The following NSUN6 variants were observed in gnomAD, a reference collection of about 807,000 sequenced individuals.
The protein encoded by NSUN6 is tRNA (cytosine(72)-C(5))-methyltransferase NSUN6.
Under a neutral mutation model 58.0 loss-of-function variants are expected in NSUN6, and 64 were observed. The ratio of observed to expected loss-of-function variants is 1.10; its 90% CI spans 0.90 to 1.36. The LOEUF is 1.36. Ranked by LOEUF, NSUN6 falls within the 40% of genes most tolerant of loss-of-function variation. The pLI is 0.00. For synonymous variants in NSUN6, 231 were observed against 193.9 expected (o/e 1.19, Z -1.59); for missense variants, 701 against 550.1 (o/e 1.27, Z -2.74).
chr10:18,616,789 C>G (rs2058425427), intron 3 of NSUN6, among the ~76,000 whole-genome samples: 1 of 152,080 alleles, frequency 6.6e-6, no homozygotes. Flanking sequence ...ATTTCTTAGA[C>G]CACTAAAATC....
At position 18,634,599 on chromosome 10, in the gene NSUN6, A is replaced by G. The variant is rs1374541720; in HGVS notation, c.311+7877T>C. Among the ~76,000 whole-genome samples the G allele has an allele frequency of 3.4e-5, 3 of 88,146 alleles. No homozygotes were observed. The Admixed American group carries it at 4.2e-4, about 12-fold the overall frequency. 57.8% of individuals were successfully genotyped at this position (88,146 alleles called of 152,430 possible). On this transcript the variant is annotated intron_variant, in intron 3 of 10. Coordinates refer to ENST00000377304, the MANE Select transcript of NSUN6 (RefSeq NM_182543.5). ...ACCACATCTCTACTAAAAAAAATACAAAAAAAAAAAAAATTAGCTGGTCTT... is the reference window on the plus strand; with the variant it reads ...ACCACATCTCTACTAAAAAAAATACGAAAAAAAAAAAAATTAGCTGGTCTT...
intron 2 of NSUN6, among the ~76,000 whole-genome samples, chr10:18,646,583 G>A (rs984130206): frequency 1.3e-5 from 2 of 152,262 alleles, no homozygotes; most frequent in South Asian, 2.1e-4. Context: ...AAGGCCTCAC[G>A]CCTGTAATCC....
At chr10:18,622,283 G>C (rs930673954) in intron 3 of NSUN6, among the ~76,000 whole-genome samples, 1 of 152,188 alleles carries the variant, frequency 6.6e-6, no homozygotes, top group Non-Finnish European at 1.5e-5. Flanking sequence ...AATACAATGA[G>C]AAGTCAGCTA....
chr10:18,554,153 G>A (rs1004806431), intron 8 of NSUN6, among the ~76,000 whole-genome samples: 4 of 150,522 alleles, frequency 2.7e-5, no homozygotes, highest in East Asian at 2.0e-4. Flanking sequence ...TTGGATAAAC[G>A]AATGCGGAAT....
rs149212253 is a variant in NSUN6 at position 18,648,635 on chromosome 10, G to A, written c.86C>T (p.Ala29Val). ...CCTTTCTGCTTCTTGTTTACCTAAA[G>A]CAGTCACAATCTAAAAAGAAGTTCA... is the stretch of plus-strand genomic sequence containing the variant. The part of the protein sequence containing the change: ...EGFMNKEIVT[A>V]LGKQEAERKF... Residue 29 changes from alanine (A) to valine (V), a missense_variant, in exon 2 of 11, where the codon GCT (alanine) becomes GTT (valine). By Grantham distance (64) the Ala-to-Val change is moderately conservative. Coordinates refer to ENST00000377304, the MANE Select transcript of NSUN6 (RefSeq NM_182543.5). The A allele has an allele frequency of 6.3e-4, 987 of 1,569,528 alleles. 4 individuals carry two copies. In the African/African-American group the frequency reaches 0.011, roughly 18 times the overall value.
At chr10:18,566,134 C>T (rs1472855368) in intron 8 of NSUN6, among the ~76,000 whole-genome samples, 43 of 138,926 alleles carry the variant, frequency 3.1e-4, no homozygotes, top group Non-Finnish European at 5.7e-4. Context: ...CATTCCATTC[C>T]ACATTCCATT....
chr10:18,595,487 T>A (rs1054661109), intron 7 of NSUN6, among the ~76,000 whole-genome samples: 9 of 152,220 alleles, frequency 5.9e-5, no homozygotes, highest in African/African-American at 2.2e-4. Flanking sequence ...GCATTAAACA[T>A]CACAACGCCA....
intron 8 of NSUN6, among the ~76,000 whole-genome samples, chr10:18,571,707 CATTCCATTCTCT>C (rs1041742172): frequency 2.6e-5 from 4 of 151,382 alleles, no homozygotes; most frequent in African/African-American, 9.7e-5. Flanking sequence ...TTCTCCATTC[CATTCCATTCTCT>C]ATTCCATTCC....
upstream of NSUN6, among the ~76,000 whole-genome samples, chr10:18,655,980 A>G (rs769182241): frequency 6.0e-4 from 92 of 152,302 alleles, no homozygotes; most frequent in Non-Finnish European, 5.1e-4. Context: ...GAAACTCAGG[A>G]TATTATGGCT....
intron 7 of NSUN6, among the ~76,000 whole-genome samples, chr10:18,595,885 T>C (rs10828973): frequency 0.048 from 7,339 of 152,270 alleles, 275 homozygotes; most frequent in Non-Finnish European, 0.077. Context: ...TAGTTTTTAA[T>C]GGCAGAATAT....
intron 5 of NSUN6, among the ~76,000 whole-genome samples, chr10:18,612,221 C>G (rs2058262419): frequency 6.6e-6 from 1 of 151,940 alleles, no homozygotes; most frequent in Non-Finnish European, 1.5e-5. Context: ...AATTCAAGAC[C>G]AGACTGGGCA....
chr10:18,577,439 A>ACTT (rs1290614890), intron 8 of NSUN6, among the ~76,000 whole-genome samples: 1 of 152,010 alleles, frequency 6.6e-6, no homozygotes, highest in Non-Finnish European at 1.5e-5. Context: ...TAATGGGTGT[A>ACTT]CTTCTTCTTC....
At chr10:18,591,394 C>G (rs568887972) in intron 7 of NSUN6, among the ~76,000 whole-genome samples, 1 of 152,140 alleles carries the variant, frequency 6.6e-6, no homozygotes, top group East Asian at 1.9e-4. Flanking sequence ...ATCCTGATAC[C>G]AAAACCTGGC....
intron 9 of NSUN6, among the ~76,000 whole-genome samples, chr10:18,551,242 A>ACTT (rs2054579711): frequency 2.0e-5 from 1 of 49,274 alleles, no homozygotes; most frequent in Non-Finnish European, 4.0e-5. Context: ...AGGTCCTCTC[A>ACTT]GTTGTGTGTG....
intron 3 of NSUN6, among the ~76,000 whole-genome samples, chr10:18,624,755 T>A (rs1400265895): frequency 2.0e-5 from 3 of 149,950 alleles, no homozygotes; most frequent in African/African-American, 4.9e-5. Context: ...GAGACTGCGG[T>A]TCTTAGAAAG....
At chr10:18,588,286 T>C (rs1324528338) in intron 7 of NSUN6, among the ~76,000 whole-genome samples, 2 of 152,098 alleles carry the variant, frequency 1.3e-5, no homozygotes, top group Non-Finnish European at 2.9e-5. Context: ...CAGATAAAAC[T>C]CTCATTTCCC....
chr10:18,603,242 G>A (rs1044330845), intron 6 of NSUN6, among the ~76,000 whole-genome samples: 2 of 152,160 alleles, frequency 1.3e-5, no homozygotes, highest in Non-Finnish European at 2.9e-5. Context: ...GCAGTGAGCT[G>A]AGATTATGCC....
upstream of NSUN6, among the ~76,000 whole-genome samples, chr10:18,656,748 T>C (rs1294868174): frequency 6.6e-6 from 1 of 152,028 alleles, no homozygotes; most frequent in African/African-American, 2.4e-5. Context: ...GATAGAGATT[T>C]TACTGGGATT....
chr10:18,603,626 T>C (rs12411654), intron 6 of NSUN6, among the ~76,000 whole-genome samples: 79,414 of 151,458 alleles, frequency 0.52, 21,517 homozygotes, highest in East Asian at 0.98. Context: ...ACCGCCACCA[T>C]GCCCAGCTGA....
Sources: gnomAD v4.1 joint callset for allele counts (sites outside exome capture counted in the v4.1 genomes callset) on GRCh38, gnomAD v4.1.1 for gene constraint, MANE v1.5 for transcripts, NCBI Gene and HGNC (gene_info 2026-07-23, HGNC 2026-07-21) for gene names.